TAF3: variants seen among roughly 807,000 people sequenced by gnomAD.
TAF3 encodes the protein TATA-box binding protein associated factor 3.
A neutral mutation model predicts 80.6 loss-of-function variants in TAF3; 7 were observed. The ratio of observed to expected loss-of-function variants is 0.09; its 90% confidence interval spans 0.05 to 0.16. TAF3 has a LOEUF of 0.16. Ranked by LOEUF, TAF3 falls within the 10% of genes least tolerant of loss-of-function variation. The pLI is 1.00. For synonymous variants in TAF3, 444 were observed against 446.1 expected, an observed-to-expected ratio of 1.00 and a Z score of 0.06; for missense variants, 921 against 1,140.2, an observed-to-expected ratio of 0.81 and a Z score of 2.77.
intron 2 of TAF3, among the ~76,000 whole-genome samples, chr10:7,939,384 A>G (rs1412295730): frequency 1.3e-5 from 2 of 152,132 alleles, no homozygotes; most frequent in Admixed American, 1.3e-4. Context: ...ATACATACTG[A>G]CAATAACATT....
At chr10:8,004,178 G>A (rs1040476114) in intron 4 of TAF3, among the ~76,000 whole-genome samples, 6 of 152,122 alleles carry the variant, frequency 3.9e-5, no homozygotes, top group Middle Eastern at 3.4e-3. Flanking sequence ...CTCCTCTGGA[G>A]TAGCTGGGAT....
intron 2 of TAF3, among the ~76,000 whole-genome samples, chr10:7,881,913 T>G (rs1837365872): frequency 6.6e-6 from 1 of 152,206 alleles, no homozygotes; most frequent in African/African-American, 2.4e-5. Flanking sequence ...ACCAGAGACT[T>G]TATATGTTGG....
chr10:7,889,312 A>G (rs1434946814), intron 2 of TAF3, among the ~76,000 whole-genome samples: 1 of 152,214 alleles, frequency 6.6e-6, no homozygotes, highest in African/African-American at 2.4e-5. Context: ...TGGTTATAAC[A>G]AAAGCAACAA....
chr10:7,975,381 C>G (rs773109091), intron 3 of TAF3, among the ~76,000 whole-genome samples: 17 of 152,144 alleles, frequency 1.1e-4, no homozygotes, highest in Non-Finnish European at 2.1e-4. Flanking sequence ...TATCTTAAGA[C>G]TTACTAGGGT....
intron 2 of TAF3, among the ~76,000 whole-genome samples, chr10:7,896,575 T>C (rs548296919): frequency 1.3e-5 from 2 of 152,306 alleles, no homozygotes; most frequent in South Asian, 4.2e-4. Flanking sequence ...ACAGTCGCAT[T>C]TGGGGACAGA....
chr10:7,884,392 C>T (rs995745901), intron 2 of TAF3, among the ~76,000 whole-genome samples: 12 of 120,496 alleles, frequency 1.0e-4, no homozygotes, highest in Non-Finnish European at 1.6e-4. Flanking sequence ...GCTCTGCCTC[C>T]TTTTTTTTTT....
At chr10:7,982,012 A>T (rs1450501134) in intron 4 of TAF3, among the ~76,000 whole-genome samples, 1 of 152,240 alleles carries the variant, frequency 6.6e-6, no homozygotes, top group East Asian at 1.9e-4. Context: ...ATAATCATTT[A>T]AAATATTTTT....
chr10:7,843,036 C>T (rs1392867736), intron 2 of TAF3, among the ~76,000 whole-genome samples: 2 of 152,174 alleles, frequency 1.3e-5, no homozygotes, highest in Non-Finnish European at 2.9e-5. Context: ...CTGTGTCTGT[C>T]TGGGGCTTTT....
intron 2 of TAF3, among the ~76,000 whole-genome samples, chr10:7,951,553 G>A (rs941354867): frequency 3.9e-5 from 6 of 152,294 alleles, no homozygotes; most frequent in Admixed American, 3.3e-4. Flanking sequence ...CTCTGCTTCT[G>A]TCACATTTGC....
chr10:7,862,183 C>T (rs1373620616), intron 2 of TAF3, among the ~76,000 whole-genome samples: 1 of 152,120 alleles, frequency 6.6e-6, no homozygotes, highest in African/African-American at 2.4e-5. Context: ...CCTTTATGTT[C>T]TTGAACATAG....
chr10:7,882,096 T>A (rs1837367451), intron 2 of TAF3, among the ~76,000 whole-genome samples: 1 of 152,232 alleles, frequency 6.6e-6, no homozygotes, highest in Non-Finnish European at 1.5e-5. Flanking sequence ...AGCTATTTCC[T>A]ATACTGATGC....
intron 2 of TAF3, among the ~76,000 whole-genome samples, chr10:7,886,834 A>G (rs1054964022): frequency 1.2e-4 from 19 of 152,242 alleles, no homozygotes; most frequent in African/African-American, 3.6e-4. Context: ...TACAAAATTA[A>G]TAGAAAAAAT....
chr10:7,846,565 T>G (rs980313505), intron 2 of TAF3, among the ~76,000 whole-genome samples: 1 of 152,168 alleles, frequency 6.6e-6, no homozygotes, highest in Non-Finnish European at 1.5e-5. Context: ...TGGTTTTGAC[T>G]AGTTGAAAAG....
chr10:7,883,181 G>A (rs909617077), intron 2 of TAF3, among the ~76,000 whole-genome samples: 14 of 152,220 alleles, frequency 9.2e-5, no homozygotes, highest in Non-Finnish European at 2.1e-4. Flanking sequence ...TGTTCAGTTA[G>A]GAGTCCCGTG....
intron 2 of TAF3, among the ~76,000 whole-genome samples, chr10:7,844,596 T>TC (rs955796510): frequency 6.6e-6 from 1 of 152,152 alleles, no homozygotes; most frequent in African/African-American, 2.4e-5. Context: ...CAGGATGGTC[T>TC]CCATCTCCTG....
chr10:7,945,642 G>A (rs902451919), intron 2 of TAF3, among the ~76,000 whole-genome samples: 1 of 151,800 alleles, frequency 6.6e-6, no homozygotes, highest in Admixed American at 6.6e-5. Flanking sequence ...ATCCTGAGAA[G>A]GCTGTCCCAG....
chr10:7,959,781 A>G (rs1838171709), intron 2 of TAF3, among the ~76,000 whole-genome samples: 1 of 152,242 alleles, frequency 6.6e-6, no homozygotes, highest in African/African-American at 2.4e-5. Context: ...CTAATCTGAT[A>G]GAATTGCACA....
chr10:7,971,381 C>T (rs913337470), intron 3 of TAF3, among the ~76,000 whole-genome samples: 1 of 150,922 alleles, frequency 6.6e-6, no homozygotes, highest in Non-Finnish European at 1.5e-5. Flanking sequence ...TTCTAACATA[C>T]CGGCATAGAT....
intron 2 of TAF3, among the ~76,000 whole-genome samples, chr10:7,879,546 A>T (rs989585395): frequency 2.0e-5 from 3 of 152,236 alleles, no homozygotes; most frequent in Non-Finnish European, 4.4e-5. Flanking sequence ...TTAGAAATTT[A>T]TTATACTAAT....
Sources: gnomAD v4.1 joint callset for allele counts (sites outside exome capture counted in the v4.1 genomes callset) on GRCh38, gnomAD v4.1.1 for gene constraint, MANE v1.5 for transcripts, NCBI Gene and HGNC (gene_info 2026-07-23, HGNC 2026-07-21) for gene names.